CCDC61: variants seen among roughly 807,000 people sequenced by gnomAD.
CCDC61 encodes centrosomal protein CCDC61.
CCDC61 carries 55 observed loss-of-function variants against 63.0 expected under a neutral mutation model. That is an observed-to-expected ratio of 0.87 (90% CI 0.70 to 1.09). The LOEUF is 1.09. CCDC61 is among the 50% of genes least tolerant of loss of function. CCDC61 has a pLI of 0.00. For synonymous variants in CCDC61, 270 were observed against 317.0 expected (o/e 0.85, Z 1.58); for missense variants, 651 against 731.4 (o/e 0.89, Z 1.27).
chr19:46,014,488 T>A (rs923749002), intron 5 of CCDC61, among the ~76,000 whole-genome samples: 10 of 152,376 alleles, frequency 6.6e-5, no homozygotes, highest in Middle Eastern at 3.4e-3. Flanking sequence ...ATTGAGTAGA[T>A]GTATTAGAAA....
At chr19:46,004,704 A>G (rs7258511) in intron 3 of CCDC61, among the ~76,000 whole-genome samples, 10,381 of 152,014 alleles carry the variant, frequency 0.068, 774 homozygotes, top group African/African-American at 0.17. Flanking sequence ...ATCTCAAGTA[A>G]TCCTCCTGCC....
chr19:46,015,262 G>A lies in CCDC61; in HGVS notation c.762+3G>A. The A allele has an allele frequency of 6.7e-7, 1 of 1,499,508 alleles. No homozygotes were observed. The highest frequency in any genetic ancestry group is 8.8e-7 in the Non-Finnish European group (1 of 1,132,800). 92.9% of individuals were successfully genotyped at this position (1,499,508 alleles called of 1,614,324 possible). A position where few individuals can be genotyped will look rare whatever the true frequency, so the allele number is the denominator to read the frequency against. ...ACTGCCGCCGTCTGGCCAAGGAGGT[G>A]AGCAGCGGGGGCCCGGGGCGGCCAG... On this transcript the variant is annotated splice_donor_region_variant and intron_variant, in intron 6 of 13. Coordinates refer to ENST00000595358, the MANE Select transcript of CCDC61 (RefSeq NM_001267723.2). The surrounding 1 kb of genome is among the most constrained non-coding windows in gnomAD (Gnocchi z 5.3).
chr19:46,006,702 CGT>C lies in CCDC61; in HGVS notation c.377_378del (p.Val126GlyfsTer3). On this transcript the variant is annotated frameshift_variant, in exon 4 of 14. Coordinates refer to ENST00000595358, the MANE Select transcript of CCDC61 (RefSeq NM_001267723.2). LOFTEE classifies it high-confidence loss of function. ...AGCGCTACCTGATCCTCATCTACTC[CGT>C]GGAGTTTGACAGGTGGGGAGAAGGG... ...SKRYLILIYS[V>X]EFDRIHYPLP... is the part of the protein sequence containing the mutation. 1.2e-6 allele frequency: 2 copies of C among 1,607,218 alleles called. No individual in the cohort carries two copies. The highest frequency in any genetic ancestry group is 1.3e-5 in the African/African-American group (1 of 74,940).
Position 45,999,368 on chromosome 19 carries a change from G to A in CCDC61, c.-11-3640G>A, listed in dbSNP as rs182774665. 3.9e-5 allele frequency among the ~76,000 whole-genome samples: 6 copies of A among 152,134 alleles called. No homozygotes were observed. The East Asian group carries it at 9.7e-4, about 25-fold the overall frequency. ...CCTCAATTCACCCACGTGGTGGGGA[G>A]GTGAGGTCAGAATGGGGTCGGGAAG... On this transcript the variant is annotated intron_variant, in intron 1 of 13. Coordinates refer to ENST00000595358, the MANE Select transcript of CCDC61 (RefSeq NM_001267723.2).
intron 5 of CCDC61, among the ~76,000 whole-genome samples, chr19:46,012,870 G>A (rs1442264931): frequency 7.2e-6 from 1 of 138,336 alleles, no homozygotes; most frequent in Admixed American, 7.1e-5. Context: ...TTTTTTTTAA[G>A]AGACAGAGTC....
intron 1 of CCDC61, among the ~76,000 whole-genome samples, chr19:45,999,519 G>C (rs1378477734): frequency 1.3e-5 from 2 of 152,084 alleles, no homozygotes; most frequent in Non-Finnish European, 2.9e-5. Context: ...AGAGTGTGGG[G>C]AAACAGCCAT....
rs372224289 is a variant in CCDC61, at chr19:46,003,415, C to T, written c.149-4C>T. On this transcript the variant is annotated splice_polypyrimidine_tract_variant and splice_region_variant and intron_variant, in intron 2 of 13. Coordinates refer to ENST00000595358, the MANE Select transcript of CCDC61 (RefSeq NM_001267723.2). ...CCTCAGGAGAGACTTTTCTCCCCAC[C>T]CAGTCATTGAAGATTTGACTCACAA... is the stretch of plus-strand genomic sequence containing the variant. The T allele has an allele frequency of 3.6e-5, 58 of 1,612,810 alleles. No individual in the cohort carries two copies. In the African/African-American group the frequency reaches 4.5e-4, roughly 13 times the overall value.
intron 1 of CCDC61, among the ~76,000 whole-genome samples, chr19:46,000,396 C>G (rs1968568474): frequency 6.6e-6 from 1 of 151,832 alleles, no homozygotes; most frequent in African/African-American, 2.4e-5. Flanking sequence ...CCTAGGAGAC[C>G]GTGGGTGGCT....
chr19:46,017,929 G>C (rs1051876842), intron 12 of CCDC61, 149 bp from the exon 13 acceptor site: 1 of 653,930 alleles, frequency 1.5e-6, no homozygotes, highest in African/African-American at 1.8e-5. Context: ...GAGGACATTA[G>C]GAGGTTATTT....
At chr19:46,003,670 A>C (rs185127353) in intron 3 of CCDC61, 169 bp downstream of exon 3, 97 of 501,094 alleles carry the variant, frequency 1.9e-4, no homozygotes, top group Non-Finnish European at 3.1e-4. Flanking sequence ...TTTTGAACTT[A>C]ATGATAGTTA....
Position 46,016,758 on chromosome 19 carries a change from C to G in CCDC61, c.1156C>G (p.Arg386Gly). 3 of 1,586,786 alleles carry G rather than the reference C, an allele frequency of 1.9e-6. No individual in the cohort carries two copies. The highest frequency in any genetic ancestry group is 2.6e-6 in the Non-Finnish European group (3 of 1,167,428). ...SGDGPSVSWS[R>G]QTQPPAALTG... ...GGACGGTCCGTCCGTCTCCTGGTCT[C>G]GCCAGACCCAGCCCCCTGCTGCCTT... The change falls in exon 10 of 14, where the codon CGC becomes GGC. Residue 386 changes from arginine to glycine, a missense_variant. Physicochemically the swap from Arg to Gly is moderately radical, Grantham distance 125 (BLOSUM62 -2). Transcript: ENST00000595358. This position sits in a 1 kb window ranked among gnomAD's most constrained non-coding sequence, Gnocchi z 7.2.
intron 5 of CCDC61, among the ~76,000 whole-genome samples, chr19:46,009,065 T>A (rs76488938): frequency 6.6e-6 from 1 of 151,832 alleles, no homozygotes; most frequent in African/African-American, 2.4e-5. Context: ...CAGATGGAGA[T>A]GAGTAGGGCA....
rs1040475832 is a variant in CCDC61 at position 46,016,492 on chromosome 19, A to G, written c.1091+99A>G. 6.8e-6 allele frequency: 10 copies of G among 1,460,194 alleles called. No individual in the cohort carries two copies. The Admixed American group carries it at 9.2e-5, about 13-fold the overall frequency. 90.5% of individuals were successfully genotyped at this position (1,460,194 alleles called of 1,614,324 possible). A position where few individuals can be genotyped will look rare whatever the true frequency, so the allele number is the denominator to read the frequency against. ...CCACCATCAGTCTCCATCCCCTGCC[A>G]CCTGCTCGCTTCTCGCCGGATACCC... On this transcript the variant is annotated intron_variant, in intron 9 of 13. Coordinates refer to ENST00000595358, the MANE Select transcript of CCDC61 (RefSeq NM_001267723.2). This position sits in a 1 kb window ranked among gnomAD's most constrained non-coding sequence, Gnocchi z 7.2.
chr19:46,014,401 G>T (rs955854510), intron 5 of CCDC61, among the ~76,000 whole-genome samples: 1 of 152,016 alleles, frequency 6.6e-6, no homozygotes, highest in South Asian at 2.1e-4. Flanking sequence ...TGTCTGCACC[G>T]CACTGTGTCA....
rs539379209 is a variant in CCDC61, at chr19:46,004,818, G to C, written c.231+1317G>C. ...GGTTAGAACTTAGAGTGACAGGGATGGGTGGTATTTAGATATCTTTTTTTT... is the reference window on the plus strand; with the variant it reads ...GGTTAGAACTTAGAGTGACAGGGATCGGTGGTATTTAGATATCTTTTTTTT... On this transcript the variant is annotated intron_variant, in intron 3 of 13. Coordinates refer to ENST00000595358, the MANE Select transcript of CCDC61 (RefSeq NM_001267723.2). 6.6e-5 allele frequency among the ~76,000 whole-genome samples: 10 copies of C among 150,704 alleles called. No homozygotes were observed. In the South Asian group the frequency reaches 2.1e-3, roughly 32 times the overall value.
In CCDC61 at chr19:46,008,556, G is replaced by C. The variant is rs111890714; in HGVS notation, c.551+255G>C. On this transcript the variant is annotated intron_variant, in intron 5 of 13. Coordinates refer to ENST00000595358, the MANE Select transcript of CCDC61 (RefSeq NM_001267723.2). The stretch of plus-strand genomic sequence containing the variant: ...CCCAAGTAGCTGGGATTACAGGCAC[G>C]CGCCACCATGTCCGGCTAATTTTTG... Among the ~76,000 whole-genome samples the C allele has an allele frequency of 7.3e-3, 1,110 of 152,230 alleles. 17 individuals carry two copies. The highest frequency in any genetic ancestry group is 0.026 in the African/African-American group (1,064 of 41,530).
chr19:45,999,562 C>T (rs768489088), intron 1 of CCDC61, among the ~76,000 whole-genome samples: 5 of 152,094 alleles, frequency 3.3e-5, no homozygotes, highest in Middle Eastern at 6.8e-3. Flanking sequence ...GTGATTTGCC[C>T]GTGTCTGGTA....
At chr19:46,010,806 C>T (rs1192763013) in intron 5 of CCDC61, among the ~76,000 whole-genome samples, 1 of 152,234 alleles carries the variant, frequency 6.6e-6, no homozygotes, top group Non-Finnish European at 1.5e-5. Context: ...TAGCAAATCC[C>T]AGTCTTCGTG....
rs1246995573 is a variant in CCDC61, at chr19:46,015,882, A to G, written c.846-172A>G. ...GACAGAGGGGTGTTTTAGGGGTCCA[A>G]TTGGGTGAGGTCTGGGGGGGAAGAT... On this transcript the variant is annotated intron_variant, in intron 7 of 13. Coordinates refer to ENST00000595358, the MANE Select transcript of CCDC61 (RefSeq NM_001267723.2). This position sits in a 1 kb window ranked among gnomAD's most constrained non-coding sequence, Gnocchi z 5.3. 1.3e-5 allele frequency among the ~76,000 whole-genome samples: 2 copies of G among 149,206 alleles called. No homozygotes were observed. Among genetic ancestry groups the G allele is most frequent in the Admixed American group, 1.3e-4 (2 of 14,978 alleles).
Sources: gnomAD v4.1 joint callset for allele counts (sites outside exome capture counted in the v4.1 genomes callset) on GRCh38, gnomAD v4.1.1 for gene constraint, Gnocchi (gnomAD v3.1) non-coding constraint, MANE v1.5 for transcripts, NCBI Gene and HGNC (gene_info 2026-07-23, HGNC 2026-07-21) for gene names.